Variants in TRPM3 observed in about 807,000 individuals in gnomAD.
TRPM3 encodes the protein transient receptor potential cation channel subfamily M member 3.
In TRPM3, 77 loss-of-function variants were observed where a neutral mutation model predicts 181.2. The ratio of observed to expected loss-of-function variants is 0.42; its 90% CI spans 0.35 to 0.51. TRPM3 has a LOEUF of 0.51. Ranked by LOEUF, TRPM3 falls within the 20% of genes least tolerant of loss-of-function variation. The pLI is 0.01. For synonymous variants in TRPM3, 745 were observed against 796.4 expected, an observed-to-expected ratio of 0.94 and a Z score of 1.09; for missense variants, 1,759 against 2,196.7, an observed-to-expected ratio of 0.80 and a Z score of 3.98.
intron 1 of TRPM3, among the ~76,000 whole-genome samples, chr9:71,325,955 A>G (rs903363775): frequency 2.6e-5 from 4 of 152,206 alleles, no homozygotes; most frequent in Non-Finnish European, 4.4e-5. Context: ...TAGGACTATC[A>G]TTTCAGAAGA....
intron 1 of TRPM3, among the ~76,000 whole-genome samples, chr9:70,879,239 T>C (rs769167413): frequency 1.4e-4 from 22 of 152,108 alleles, no homozygotes; most frequent in Non-Finnish European, 2.6e-4. Context: ...ACAGTCACTT[T>C]GGGCCAGGAG....
At chr9:70,914,280 T>C (rs145366896) in intron 1 of TRPM3, among the ~76,000 whole-genome samples, 1 of 152,308 alleles carries the variant, frequency 6.6e-6, no homozygotes, top group Non-Finnish European at 1.5e-5. Context: ...TCGTGCTATT[T>C]TGGAAGCAGA....
chr9:71,156,251 C>T (rs1305182234), intron 1 of TRPM3, among the ~76,000 whole-genome samples: 1 of 151,790 alleles, frequency 6.6e-6, no homozygotes. Flanking sequence ...TGAATACTAA[C>T]TCTCATCAGC....
intron 1 of TRPM3, among the ~76,000 whole-genome samples, chr9:71,393,582 C>T (rs1358763699): frequency 6.6e-6 from 1 of 152,100 alleles, no homozygotes; most frequent in Non-Finnish European, 1.5e-5. Flanking sequence ...TGAACCAAGC[C>T]AGTCGTGTCT....
At chr9:70,580,182 C>T (rs2055255344) in intron 22 of TRPM3, among the ~76,000 whole-genome samples, 3 of 152,148 alleles carry the variant, frequency 2.0e-5, no homozygotes, top group Admixed American at 2.0e-4. Context: ...CTGAAATGAG[C>T]ATTATGGTTG....
chr9:71,071,709 A>G (rs1036460865), intron 1 of TRPM3, among the ~76,000 whole-genome samples: 9 of 152,178 alleles, frequency 5.9e-5, no homozygotes, highest in African/African-American at 2.2e-4. Flanking sequence ...TTTAGTGCCA[A>G]ACAGAGCTGG....
At chr9:71,040,077 C>T (rs1193193884) in intron 1 of TRPM3, among the ~76,000 whole-genome samples, 1 of 152,112 alleles carries the variant, frequency 6.6e-6, no homozygotes, top group Non-Finnish European at 1.5e-5. Context: ...GAGTTAGAGT[C>T]CCTATGCAGG....
intron 1 of TRPM3, among the ~76,000 whole-genome samples, chr9:71,213,551 G>A (rs992568057): frequency 5.9e-5 from 9 of 152,086 alleles, no homozygotes; most frequent in African/African-American, 1.9e-4. Context: ...TTAAGGGAGA[G>A]ATATGACAGA....
intron 1 of TRPM3, among the ~76,000 whole-genome samples, chr9:71,131,522 T>A (rs529915561): frequency 8.7e-4 from 132 of 152,344 alleles, no homozygotes; most frequent in African/African-American, 3.1e-3. Flanking sequence ...CAATCAAAAT[T>A]TGTTGACTAT....
At chr9:70,618,825 G>C in intron 17 of TRPM3, 42 bp downstream of exon 17, 1 of 1,561,666 alleles carries the variant, frequency 6.4e-7, no homozygotes, top group Admixed American at 1.7e-5. Flanking sequence ...TAACCCACCC[G>C]CCGGTCCTCA....
intron 5 of TRPM3, among the ~76,000 whole-genome samples, chr9:70,842,667 T>C (rs947370465): frequency 3.3e-5 from 5 of 152,116 alleles, no homozygotes; most frequent in Non-Finnish European, 7.4e-5. Context: ...TGTTGCCGTA[T>C]ATTAAGTGGT....
Position 70,529,120 on chromosome 9 carries a change from GAAAGTTTTTCCCGTGGTATCTGCCAA to G in TRPM3, c.*6807_*6832del, listed in dbSNP as rs2040514343. On this transcript the variant is annotated 3_prime_UTR_variant, in exon 26 of 26. Coordinates refer to ENST00000677713, the MANE Select transcript of TRPM3 (RefSeq NM_001366145.2). ...CAAAACATTTGTTACAGAAATTTCAGAAAGTTTTTCCCGTGGTATCTGCCAACTTCTGCTCTGAATTGTATATCTAA... is the reference window on the plus strand; with the variant it reads ...CAAAACATTTGTTACAGAAATTTCAGCTTCTGCTCTGAATTGTATATCTAA... The G allele has an allele frequency of 6.6e-6, 1 of 152,024 alleles. No homozygotes were observed. Among genetic ancestry groups the G allele is most frequent in the Non-Finnish European group, 1.5e-5 (1 of 67,994 alleles). 9.4% of individuals were successfully genotyped at this position (152,024 alleles called of 1,614,324 possible). A position where few individuals can be genotyped will look rare whatever the true frequency, so the allele number is the denominator to read the frequency against.
chr9:70,755,284 C>G (rs1215337606), intron 8 of TRPM3, among the ~76,000 whole-genome samples: 1 of 151,916 alleles, frequency 6.6e-6, no homozygotes, highest in East Asian at 1.9e-4. Flanking sequence ...GTCAGGTTAC[C>G]CACAAAGGGA....
At chr9:71,105,533 T>C (rs986443687) in intron 1 of TRPM3, among the ~76,000 whole-genome samples, 4 of 152,086 alleles carry the variant, frequency 2.6e-5, no homozygotes, top group Non-Finnish European at 5.9e-5. Flanking sequence ...TCTGAATAAT[T>C]TCAGTGGACT....
At chr9:71,114,931 GA>G (rs1203729962) in intron 1 of TRPM3, among the ~76,000 whole-genome samples, 1 of 151,770 alleles carries the variant, frequency 6.6e-6, no homozygotes, top group African/African-American at 2.4e-5. Context: ...AAATTTTCAT[GA>G]AAAAAATACA....
intron 1 of TRPM3, among the ~76,000 whole-genome samples, chr9:71,093,166 T>C (rs951779579): frequency 2.6e-5 from 4 of 152,082 alleles, no homozygotes; most frequent in Non-Finnish European, 2.9e-5. Context: ...ATTCCGGACA[T>C]AGGCATGGGG....
chr9:70,869,084 C>T, intron 1 of TRPM3: 1 of 982,902 alleles, frequency 1.0e-6, no homozygotes, highest in Non-Finnish European at 1.2e-6. Flanking sequence ...GTTAATAATG[C>T]TCTTATGACC....
chr9:70,796,260 G>A (rs547688901), intron 6 of TRPM3, among the ~76,000 whole-genome samples: 8 of 152,218 alleles, frequency 5.3e-5, no homozygotes, highest in East Asian at 3.8e-4. Context: ...ATTATGGATC[G>A]GAAAATCACA....
At chr9:71,325,241 G>A (rs1375495364) in intron 1 of TRPM3, among the ~76,000 whole-genome samples, 1 of 152,078 alleles carries the variant, frequency 6.6e-6, no homozygotes, top group Non-Finnish European at 1.5e-5. Flanking sequence ...TTAAAACAAA[G>A]TTTTACCAAA....
Sources: allele counts gnomAD v4.1 joint callset (sites outside exome capture counted in the v4.1 genomes callset), GRCh38; gene constraint gnomAD v4.1.1; transcripts MANE v1.5; gene names NCBI Gene and HGNC (gene_info 2026-07-23, HGNC 2026-07-21).